The following HACD2 variants were observed in gnomAD, a reference collection of about 807,000 sequenced individuals.
HACD2 encodes the protein very-long-chain (3R)-3-hydroxyacyl-CoA dehydratase 2.
In HACD2, 15 loss-of-function variants were observed where a neutral mutation model predicts 31.0. That is an observed-to-expected ratio of 0.48 (90% CI 0.32 to 0.75). The LOEUF is 0.75. Ranked by LOEUF, HACD2 falls within the 30% of genes least tolerant of loss-of-function variation. The pLI, the probability that HACD2 is intolerant of heterozygous loss-of-function variation, is 0.03. For missense variants in HACD2, 283 were observed against 313.0 expected, an observed-to-expected ratio of 0.90 and a Z score of 0.72; for synonymous variants, 115 against 122.2, an observed-to-expected ratio of 0.94 and a Z score of 0.39.
chr3:123,527,569 G>T (rs2056299459), intron 4 of HACD2, among the ~76,000 whole-genome samples: 1 of 152,170 alleles, frequency 6.6e-6, no homozygotes, highest in African/African-American at 2.4e-5. Context: ...GAGTAGTGAT[G>T]CTGGCAATTC....
At chr3:123,555,621 G>GA (rs1158145685) in intron 3 of HACD2, among the ~76,000 whole-genome samples, 2 of 152,188 alleles carry the variant, frequency 1.3e-5, no homozygotes, top group Non-Finnish European at 2.9e-5. Context: ...TCTGTGGATT[G>GA]AAAGAGTCAA....
intron 4 of HACD2, among the ~76,000 whole-genome samples, chr3:123,527,111 AT>A (rs1559911455): frequency 1.3e-5 from 2 of 152,262 alleles, no homozygotes; most frequent in Admixed American, 1.3e-4. Context: ...TTAATTATCT[AT>A]TTAAGAATGT....
chr3:123,517,677 A>G (rs538627143), intron 4 of HACD2, among the ~76,000 whole-genome samples: 31 of 152,370 alleles, frequency 2.0e-4, no homozygotes, highest in African/African-American at 7.5e-4. Flanking sequence ...GAGAAGATTT[A>G]CCACTGACAG....
chr3:123,570,658 G>A (rs1288367259), intron 2 of HACD2, among the ~76,000 whole-genome samples: 2 of 152,144 alleles, frequency 1.3e-5, no homozygotes, highest in Non-Finnish European at 2.9e-5. Context: ...GATGGGGTCG[G>A]AGGAAAGTAT....
chr3:123,544,680 G>T (rs2107724152), intron 3 of HACD2, among the ~76,000 whole-genome samples: 1 of 152,118 alleles, frequency 6.6e-6, no homozygotes, highest in East Asian at 1.9e-4. Context: ...GGTTTAAATG[G>T]AATTATTTAT....
rs74327584 is a variant in HACD2, at chr3:123,528,522, C to T, written c.293-48G>A. On this transcript the variant is annotated intron_variant, in intron 3 of 6. Coordinates refer to ENST00000383657, the MANE Select transcript of HACD2 (RefSeq NM_198402.5). ...TAAATAAATGTACTGTACTAAGTTTCGATATATAATATATTTTCTAAAACA... is the reference window on the plus strand; with the variant it reads ...TAAATAAATGTACTGTACTAAGTTTTGATATATAATATATTTTCTAAAACA... 7.0e-4 allele frequency: 751 copies of T among 1,078,410 alleles called. 9 individuals are homozygous for T. In the East Asian group the frequency reaches 0.016, roughly 23 times the overall value. The allele number at this position is 1,078,410 out of a possible 1,614,324, so 66.8% of individuals were successfully genotyped here. A position where few individuals can be genotyped will look rare whatever the true frequency, so the allele number is the denominator to read the frequency against.
intron 2 of HACD2, among the ~76,000 whole-genome samples, chr3:123,568,865 C>G (rs558653922): frequency 1.3e-5 from 2 of 152,274 alleles, no homozygotes; most frequent in South Asian, 4.1e-4. Context: ...TACTTGCAGA[C>G]AAGAAAACCA....
At chr3:123,576,608 C>A (rs2056909874) in intron 2 of HACD2, among the ~76,000 whole-genome samples, 1 of 152,154 alleles carries the variant, frequency 6.6e-6, no homozygotes, top group African/African-American at 2.4e-5. Context: ...AGGAGCCTAA[C>A]ACATGCATGT....
At chr3:123,562,609 C>G (rs1340988661) in intron 3 of HACD2, among the ~76,000 whole-genome samples, 2 of 152,132 alleles carry the variant, frequency 1.3e-5, no homozygotes, top group Admixed American at 6.5e-5. Flanking sequence ...AGATATTGTG[C>G]TGAGTGTTCT....
At chr3:123,576,392 C>T (rs912911752) in intron 2 of HACD2, among the ~76,000 whole-genome samples, 3 of 152,194 alleles carry the variant, frequency 2.0e-5, no homozygotes, top group Non-Finnish European at 4.4e-5. Context: ...CCTTCCAGCT[C>T]TCTCTTCCCT....
At chr3:123,503,262 CAAA>C (rs113416649) in intron 4 of HACD2, among the ~76,000 whole-genome samples, 4 of 89,004 alleles carry the variant, frequency 4.5e-5, no homozygotes, top group East Asian at 3.6e-4. Flanking sequence ...GAGACTGTCT[CAAA>C]AAAAAAAAAA....
intron 3 of HACD2, among the ~76,000 whole-genome samples, chr3:123,548,055 G>GA (rs2056580437): frequency 6.6e-6 from 1 of 151,950 alleles, no homozygotes; most frequent in South Asian, 2.1e-4. Context: ...AACCTAGGAA[G>GA]AAAAAAATCA....
chr3:123,508,250 T>C (rs1424451542), intron 4 of HACD2, among the ~76,000 whole-genome samples: 1 of 152,188 alleles, frequency 6.6e-6, no homozygotes, highest in Admixed American at 6.5e-5. Context: ...GGTTAGGGAA[T>C]CTTTCTTTGC....
Position 123,494,908 on chromosome 3 carries a change from C to T in HACD2, c.745G>A (p.Glu249Lys), listed in dbSNP as rs868234354. Residue 249 changes from glutamate (E) to lysine (K), a missense_variant, in exon 7 of 7, where the codon GAA becomes AAA. Glu to Lys is a moderately conservative substitution (Grantham distance 56). This residue lies in a region of HACD2 where 40 missense variants were observed against 35.1 expected (regional missense o/e 1.14). Transcript: ENST00000383657. Reference sequence around the variant, plus strand: ...AGGAACTATTCAAATTTCTTGTGTTCTTCAGTATGAGAAAGGATCTTTCTT... The same window carrying T: ...AGGAACTATTCAAATTTCTTGTGTTTTTCAGTATGAGAAAGGATCTTTCTT... The part of the protein sequence containing the change: ...QRRKILSHTE[E>K]HKKFE 2.6e-6 allele frequency: 4 copies of T among 1,558,216 alleles called. No homozygotes were observed. In the African/African-American group the frequency reaches 5.4e-5, roughly 21 times the overall value.
At chr3:123,517,406 C>T (rs1438824903) in intron 4 of HACD2, among the ~76,000 whole-genome samples, 1 of 152,188 alleles carries the variant, frequency 6.6e-6, no homozygotes, top group African/African-American at 2.4e-5. Flanking sequence ...GCAACTATTA[C>T]CTTCAACTCA....
chr3:123,505,178 T>G (rs896641982), intron 4 of HACD2, among the ~76,000 whole-genome samples: 12 of 152,188 alleles, frequency 7.9e-5, no homozygotes, highest in Non-Finnish European at 1.6e-4. Flanking sequence ...GTGAATACTG[T>G]GTGATTCTAC....
At chr3:123,556,304 G>A (rs1028304757) in intron 3 of HACD2, among the ~76,000 whole-genome samples, 3 of 151,798 alleles carry the variant, frequency 2.0e-5, no homozygotes, top group East Asian at 3.9e-4. Context: ...AAGTGTGGTG[G>A]TGCACGCCTG....
At chr3:123,556,332 G>T (rs11928693) in intron 3 of HACD2, among the ~76,000 whole-genome samples, 46,447 of 150,966 alleles carry the variant, frequency 0.31, 8,366 homozygotes, top group African/African-American at 0.5. Context: ...AGCTGCTTGG[G>T]AAGCTGAGGT....
At chr3:123,568,023 G>A (rs1254117624) in intron 2 of HACD2, among the ~76,000 whole-genome samples, 1 of 152,126 alleles carries the variant, frequency 6.6e-6, no homozygotes, top group Non-Finnish European at 1.5e-5. Flanking sequence ...TTCTGAGGAG[G>A]ATTTACTCTT....
Sources: allele counts gnomAD v4.1 joint callset (sites outside exome capture counted in the v4.1 genomes callset), GRCh38; gene constraint gnomAD v4.1.1; regional missense constraint gnomAD v4.1.1; transcripts MANE v1.5; gene names NCBI Gene and HGNC (gene_info 2026-07-23, HGNC 2026-07-21).